The following CTNNA3 variants were observed in gnomAD, a reference collection of about 807,000 sequenced individuals.
CTNNA3 encodes the protein catenin alpha 3.
Under a neutral mutation model 95.7 loss-of-function variants are expected in CTNNA3, and 76 were observed. The observed-to-expected ratio is 0.79, with a 90% confidence interval of 0.66 to 0.96. The LOEUF is 0.96. Ranked by LOEUF, CTNNA3 falls within the 40% of genes least tolerant of loss-of-function variation. The probability of loss-of-function intolerance (pLI) is 0.00; values close to 1 mark genes in which losing one functional copy is unlikely to be tolerated. For missense variants in CTNNA3, 1,191 were observed against 1,089.8 expected, an observed-to-expected ratio of 1.09 and a Z score of -1.31; for synonymous variants, 431 against 374.4, an observed-to-expected ratio of 1.15 and a Z score of -1.74.
chr10:67,693,085 C>T (rs1489158432), intron 1 of CTNNA3, among the ~76,000 whole-genome samples: 1 of 152,148 alleles, frequency 6.6e-6, no homozygotes, highest in Non-Finnish European at 1.5e-5. Flanking sequence ...CACACAGGAA[C>T]TCAAAGTCAC....
chr10:67,235,273 G>A (rs1190701686), intron 5 of CTNNA3, among the ~76,000 whole-genome samples: 1 of 150,842 alleles, frequency 6.6e-6, no homozygotes, highest in Admixed American at 6.6e-5. Flanking sequence ...ATACTACAAG[G>A]CTACAGTAAC....
intron 9 of CTNNA3, among the ~76,000 whole-genome samples, chr10:66,730,927 A>G (rs1252876670): frequency 6.6e-6 from 1 of 152,242 alleles, no homozygotes; most frequent in Non-Finnish European, 1.5e-5. Context: ...ATCTAATCAT[A>G]GAGATAACAA....
chr10:66,017,557 G>A (rs2079117750), intron 15 of CTNNA3, among the ~76,000 whole-genome samples: 1 of 152,054 alleles, frequency 6.6e-6, no homozygotes, highest in Non-Finnish European at 1.5e-5. Context: ...TCACTATAGT[G>A]CTATAGCTGT....
chr10:67,698,653 A>T (rs900250001), upstream of CTNNA3, among the ~76,000 whole-genome samples: 1 of 152,174 alleles, frequency 6.6e-6, no homozygotes, highest in Non-Finnish European at 1.5e-5. Flanking sequence ...TTCGGGCTTT[A>T]AAAATATGTA....
At chr10:66,713,981 C>T (rs568819960) in intron 9 of CTNNA3, among the ~76,000 whole-genome samples, 2 of 152,056 alleles carry the variant, frequency 1.3e-5, no homozygotes, top group South Asian at 4.2e-4. Context: ...GGACATACTA[C>T]AGAGAAAATC....
chr10:66,083,358 T>C (rs760696432), intron 14 of CTNNA3, among the ~76,000 whole-genome samples: 6 of 152,184 alleles, frequency 3.9e-5, no homozygotes, highest in Non-Finnish European at 7.3e-5. Context: ...GTAACGCAAC[T>C]GGACCAAGCA....
intron 5 of CTNNA3, among the ~76,000 whole-genome samples, chr10:67,494,086 A>G (rs1337241289): frequency 6.6e-6 from 1 of 152,234 alleles, no homozygotes; most frequent in Non-Finnish European, 1.5e-5. Flanking sequence ...TAAGGATAGC[A>G]TACTTTTTGT....
upstream of CTNNA3, among the ~76,000 whole-genome samples, chr10:67,697,569 C>T (rs942670855): frequency 6.6e-6 from 1 of 152,214 alleles, no homozygotes; most frequent in East Asian, 1.9e-4. Context: ...AACTCTTATT[C>T]TTTTCATTTG....
chr10:67,306,634 T>C (rs1182117142), intron 5 of CTNNA3, among the ~76,000 whole-genome samples: 1 of 152,174 alleles, frequency 6.6e-6, no homozygotes, highest in Non-Finnish European at 1.5e-5. Flanking sequence ...AAAATCAGCA[T>C]GCGTGTGCTG....
intron 7 of CTNNA3, among the ~76,000 whole-genome samples, chr10:66,985,226 A>G (rs1021684217): frequency 3.3e-5 from 5 of 152,206 alleles, no homozygotes; most frequent in Non-Finnish European, 7.3e-5. Flanking sequence ...TTATTTAGTA[A>G]AGGGGTGATT....
chr10:66,909,674 T>C (rs193002516), intron 7 of CTNNA3, among the ~76,000 whole-genome samples: 1 of 152,250 alleles, frequency 6.6e-6, no homozygotes, highest in African/African-American at 2.4e-5. Flanking sequence ...AGAGACCAAA[T>C]GGTGAAAAAT....
intron 5 of CTNNA3, among the ~76,000 whole-genome samples, chr10:67,318,084 T>C (rs1177396378): frequency 6.6e-6 from 1 of 152,046 alleles, no homozygotes; most frequent in African/African-American, 2.4e-5. Context: ...TCAGACATTC[T>C]AATATGTAGG....
intron 7 of CTNNA3, among the ~76,000 whole-genome samples, chr10:67,042,676 T>C (rs1854477356): frequency 6.6e-6 from 1 of 150,592 alleles, no homozygotes; most frequent in African/African-American, 2.4e-5. Context: ...AAGGTAAGAG[T>C]GGGGAAACTA....
At chr10:67,013,972 G>A (rs1379523120) in intron 7 of CTNNA3, among the ~76,000 whole-genome samples, 1 of 152,030 alleles carries the variant, frequency 6.6e-6, no homozygotes, top group African/African-American at 2.4e-5. Flanking sequence ...GGTTTCCCAG[G>A]ACTGCTGTTT....
At chr10:67,510,654 T>C (rs1253276553) in intron 5 of CTNNA3, among the ~76,000 whole-genome samples, 1 of 152,242 alleles carries the variant, frequency 6.6e-6, no homozygotes, top group Non-Finnish European at 1.5e-5. Flanking sequence ...TTCTTTTTGC[T>C]TAGAATTGTC....
At chr10:66,736,480 G>A (rs910091367) in intron 9 of CTNNA3, among the ~76,000 whole-genome samples, 10 of 151,602 alleles carry the variant, frequency 6.6e-5, no homozygotes, top group African/African-American at 1.2e-4. Flanking sequence ...GGAGTGATCT[G>A]CCGCACCCAG....
At chr10:66,146,458 A>T (rs1162818111) in intron 13 of CTNNA3, among the ~76,000 whole-genome samples, 1 of 152,206 alleles carries the variant, frequency 6.6e-6, no homozygotes, top group Admixed American at 6.5e-5. Flanking sequence ...ACCACATAGG[A>T]TCTAAAGGAA....
intron 7 of CTNNA3, among the ~76,000 whole-genome samples, chr10:66,793,530 C>A (rs2132211014): frequency 6.6e-6 from 1 of 152,058 alleles, no homozygotes; most frequent in Non-Finnish European, 1.5e-5. Context: ...CCTACTTGTC[C>A]AGTATCTATT....
chr10:67,702,798 G>C (rs1280662431), intron 1 of CTNNA3, among the ~76,000 whole-genome samples: 1 of 152,146 alleles, frequency 6.6e-6, no homozygotes, highest in Non-Finnish European at 1.5e-5. Context: ...GAAGGAAATA[G>C]AGACACAAAA....
Sources: allele counts gnomAD v4.1 joint callset (sites outside exome capture counted in the v4.1 genomes callset), GRCh38; gene constraint gnomAD v4.1.1; transcripts MANE v1.5; gene names NCBI Gene and HGNC (gene_info 2026-07-23, HGNC 2026-07-21).